NRXN3: variants seen among roughly 807,000 people sequenced by gnomAD.
NRXN3 encodes the protein neurexin III.
Under a neutral mutation model 137.6 loss-of-function variants are expected in NRXN3, and 32 were observed. The ratio of observed to expected loss-of-function variants is 0.23; its 90% CI spans 0.18 to 0.31. The LOEUF is 0.31. Ranked by LOEUF, NRXN3 falls within the 10% of genes least tolerant of loss-of-function variation. The pLI, the probability that NRXN3 is intolerant of heterozygous loss-of-function variation, is 1.00. For missense variants in NRXN3, 1,574 were observed against 2,062.5 expected (o/e 0.76, Z 4.59); for synonymous variants, 798 against 784.5 (o/e 1.02, Z -0.29).
In NRXN3 at chr14:79,640,735, C is replaced by T. The variant is rs1316103021; in HGVS notation, c.3445-23043C>T. 5.2e-5 allele frequency among the ~76,000 whole-genome samples: 7 copies of T among 135,864 alleles called. No individual in the cohort carries two copies. The East Asian group carries it at 1.4e-3, about 27-fold the overall frequency. 89.1% of individuals were successfully genotyped at this position (135,864 alleles called of 152,430 possible). ...TCAAGCATGGAAAGCTTGCTGGTGA[C>T]TTTTGTTCTACTTGATACGGCATAT... On this transcript the variant is annotated intron_variant, in intron 16 of 20. Transcript: ENST00000335750.
At chr14:79,223,171 A>C (rs994403429) in intron 15 of NRXN3, among the ~76,000 whole-genome samples, 2 of 152,188 alleles carry the variant, frequency 1.3e-5, no homozygotes, top group South Asian at 2.1e-4. Flanking sequence ...AGAAAGTCTT[A>C]GCAAATTCAC....
chr14:78,813,135 G>T (rs2098919695), intron 10 of NRXN3, among the ~76,000 whole-genome samples: 1 of 152,042 alleles, frequency 6.6e-6, no homozygotes, highest in Non-Finnish European at 1.5e-5. Flanking sequence ...AAATCTTTAA[G>T]AAAAAAACAT....
chr14:78,480,498 C>A (rs2095454765), intron 4 of NRXN3, among the ~76,000 whole-genome samples: 1 of 152,074 alleles, frequency 6.6e-6, no homozygotes, highest in Non-Finnish European at 1.5e-5. Context: ...ACAATGGGTC[C>A]AGGAATCTCA....
At chr14:79,115,649 A>G (rs1596121291) in intron 15 of NRXN3, among the ~76,000 whole-genome samples, 1 of 152,286 alleles carries the variant, frequency 6.6e-6, no homozygotes, top group East Asian at 1.9e-4. Context: ...GTGAAAGTAA[A>G]TGTATCTGCC....
intron 4 of NRXN3, among the ~76,000 whole-genome samples, chr14:78,505,515 C>CA: frequency 6.6e-6 from 1 of 152,000 alleles, no homozygotes; most frequent in East Asian, 1.9e-4. Context: ...TTGTATGTTT[C>CA]AAAATAACCA....
At chr14:78,541,795 G>T (rs2096591869) in intron 4 of NRXN3, among the ~76,000 whole-genome samples, 1 of 152,128 alleles carries the variant, frequency 6.6e-6, no homozygotes, top group South Asian at 2.1e-4. Context: ...CTACAGATGG[G>T]GTTTTGGTGT....
intron 16 of NRXN3, among the ~76,000 whole-genome samples, chr14:79,502,130 C>T (rs546851380): frequency 1.3e-5 from 2 of 152,148 alleles, no homozygotes; most frequent in East Asian, 1.9e-4. Flanking sequence ...GCAGGTCTGG[C>T]ATGATCATCA....
intron 4 of NRXN3, among the ~76,000 whole-genome samples, chr14:78,332,831 C>CCAGT (rs139184626): frequency 6.6e-6 from 1 of 151,876 alleles, no homozygotes; most frequent in Non-Finnish European, 1.5e-5. Context: ...TTGTCTGGGG[C>CCAGT]CAGTCCCATC....
Position 79,585,945 on chromosome 14 carries a change from A to G in NRXN3, c.3445-77833A>G, listed in dbSNP as rs146226540. ...ATTTCCCTATGTCTTACCTGTGCAC[A>G]CACATTGGCTTTACAGCATACGAAC... On this transcript the variant is annotated intron_variant, in intron 16 of 20. Transcript: ENST00000335750. Among the ~76,000 whole-genome samples, 94 of 152,312 alleles carry G rather than the reference A, an allele frequency of 6.2e-4. 1 individual carries two copies. Among genetic ancestry groups the G allele is most frequent in the African/African-American group, 2.2e-3 (92 of 41,576 alleles).
chr14:78,663,533 T>C (rs949062239), intron 6 of NRXN3, among the ~76,000 whole-genome samples: 1 of 152,192 alleles, frequency 6.6e-6, no homozygotes, highest in African/African-American at 2.4e-5. Flanking sequence ...TGCAATAGTT[T>C]CGTCTTGAGA....
At position 79,318,400 on chromosome 14, in the gene NRXN3, G is replaced by A. The variant is rs566811629; in HGVS notation, c.3263-148821G>A. On this transcript the variant is annotated intron_variant, in intron 15 of 20. Transcript: ENST00000335750. ...CTGGGTCCTGACCCAGAAACAACAC[G>A]GAGTAGATCTCGGATTTGCTTTTTC... Among the ~76,000 whole-genome samples the A allele has an allele frequency of 7.9e-5, 12 of 152,270 alleles. No individual in the cohort carries two copies. In the South Asian group the frequency reaches 1.9e-3, roughly 24 times the overall value.
chr14:78,979,556 A>T (rs2153041440), intron 14 of NRXN3, among the ~76,000 whole-genome samples: 1 of 152,298 alleles, frequency 6.6e-6, no homozygotes, highest in South Asian at 2.1e-4. Flanking sequence ...AAAATGTGAA[A>T]GTAGAAAGAT....
chr14:78,506,566 T>G (rs1270495357), intron 4 of NRXN3, among the ~76,000 whole-genome samples: 1 of 151,784 alleles, frequency 6.6e-6, no homozygotes, highest in Non-Finnish European at 1.5e-5. Context: ...TCTACATCCT[T>G]ACTAATAGTT....
intron 4 of NRXN3, among the ~76,000 whole-genome samples, chr14:78,352,456 T>C (rs2083669242): frequency 6.6e-6 from 1 of 152,142 alleles, no homozygotes; most frequent in Admixed American, 6.5e-5. Flanking sequence ...TGTAGCACCA[T>C]TGGTGACCTT....
chr14:78,358,618 T>C (rs1165453526), intron 4 of NRXN3, among the ~76,000 whole-genome samples: 1 of 152,220 alleles, frequency 6.6e-6, no homozygotes, highest in Admixed American at 6.5e-5. Context: ...TCTTAGTGGC[T>C]GCATTTGTGG....
intron 4 of NRXN3, among the ~76,000 whole-genome samples, chr14:78,534,495 G>A (rs1001626479): frequency 2.0e-5 from 3 of 152,138 alleles, no homozygotes; most frequent in African/African-American, 7.2e-5. Flanking sequence ...AATCTATAAC[G>A]AATATTCTAT....
chr14:78,184,825 G>A (rs535914471), intron 1 of NRXN3, among the ~76,000 whole-genome samples: 3 of 152,358 alleles, frequency 2.0e-5, no homozygotes, highest in Admixed American at 2.0e-4. Flanking sequence ...AGTTGCGCAA[G>A]TAGTTGGGGC....
At chr14:79,170,319 T>C (rs551616864) in intron 15 of NRXN3, among the ~76,000 whole-genome samples, 3 of 152,110 alleles carry the variant, frequency 2.0e-5, no homozygotes, top group Non-Finnish European at 4.4e-5. Context: ...CCTTAAAAAG[T>C]AGTTTTTAAT....
intron 20 of NRXN3, among the ~76,000 whole-genome samples, chr14:79,844,709 C>CTA (rs2099363409): frequency 6.6e-6 from 1 of 152,116 alleles, no homozygotes; most frequent in Non-Finnish European, 1.5e-5. Context: ...CACTTAAAGA[C>CTA]TACAGGCATA....
Sources: gnomAD v4.1 joint callset for allele counts (sites outside exome capture counted in the v4.1 genomes callset) on GRCh38, gnomAD v4.1.1 for gene constraint, MANE v1.5 for transcripts, NCBI Gene and HGNC (gene_info 2026-07-23, HGNC 2026-07-21) for gene names.